The following CSF2RB variants were observed in gnomAD, a reference collection of about 807,000 sequenced individuals.
CSF2RB encodes the protein colony stimulating factor 2 receptor subunit beta, also known as cytokine receptor common subunit beta.
Under a neutral mutation model 67.2 loss-of-function variants are expected in CSF2RB, and 22 were observed. That is an observed-to-expected ratio of 0.33 (90% CI 0.23 to 0.47). CSF2RB has a LOEUF of 0.47. Ranked by LOEUF, CSF2RB falls within the 20% of genes least tolerant of loss-of-function variation. CSF2RB has a pLI of 1.00. For synonymous variants in CSF2RB, 507 were observed against 482.9 expected (o/e 1.05, Z -0.65); for missense variants, 1,113 against 1,174.5 (o/e 0.95, Z 0.76).
chr22:36,934,508 T>G (rs1328570921), intron 10 of CSF2RB, among the ~76,000 whole-genome samples: 1 of 152,188 alleles, frequency 6.6e-6, no homozygotes, highest in African/African-American at 2.4e-5. Flanking sequence ...TTTCTTAGCT[T>G]TTGGGACTAC....
rs1347271493 is a variant in CSF2RB, at chr22:36,937,867, G to A, written c.2059G>A (p.Asp687Asn). ...TCTTGGGCCAAGGGTGGGAGGACAG[G>A]ACCAAAAGGACAGCCCTGTGGCTAT... ...PALGPRVGGQ[D>N]QKDSPVAIPM... Residue 687 changes from aspartate (D) to asparagine (N), a missense_variant, in exon 14 of 14, where the codon GAC becomes AAC. Asp to Asn is a conservative substitution (Grantham distance 23). Around this residue, in one of 2 missense-constraint regions of CSF2RB, gnomAD observed 554 missense variants for 517.9 expected, o/e 1.07. Coordinates refer to ENST00000403662, the MANE Select transcript of CSF2RB (RefSeq NM_000395.3). This position sits in a 1 kb window ranked among gnomAD's most constrained non-coding sequence, Gnocchi z 4.6. 2 of 1,614,006 alleles carry A rather than the reference G, an allele frequency of 1.2e-6. No homozygotes were observed. The highest frequency in any genetic ancestry group is 1.7e-6 in the Non-Finnish European group (2 of 1,179,956).
intron 4 of CSF2RB, among the ~76,000 whole-genome samples, chr22:36,929,165 T>C (rs1297571859): frequency 6.6e-6 from 1 of 152,072 alleles, no homozygotes; most frequent in Non-Finnish European, 1.5e-5. Context: ...TTTTATGGAG[T>C]TCGGGTCACG....
rs141354922 is a variant in CSF2RB at position 36,926,158 on chromosome 22, C to G, written c.372C>G (p.Thr124=). 6.2e-7 allele frequency: 1 copy of G among 1,614,028 alleles called. No homozygotes were observed. Among genetic ancestry groups the G allele is most frequent in the Admixed American group, 1.7e-5 (1 of 60,010 alleles). Residue 124 remains threonine, a synonymous_variant, in exon 4 of 14, where the codon ACC becomes ACG. Transcript: ENST00000403662. ...QPDRPLGTRL[T]VTLTQHVQPP... ...ACAGGCCTCTGGGCACCCGGCTCAC[C>G]GTCACTCTGACCCAGCATGGTGAGG...
chr22:36,923,452 C>G (rs989035002), intron 3 of CSF2RB, 85 bp downstream of exon 3: 2 of 1,554,708 alleles, frequency 1.3e-6, no homozygotes, highest in Non-Finnish European at 8.8e-7. Context: ...AGAGAGGGAC[C>G]TGTCAGGTCA....
chr22:36,921,194 CATGT>C (rs1940857784), intron 1 of CSF2RB, among the ~76,000 whole-genome samples: 1 of 149,836 alleles, frequency 6.7e-6, no homozygotes, highest in African/African-American at 2.5e-5. Flanking sequence ...TGTGTATATA[CATGT>C]ATGTATCTGT....
At chr22:36,934,048 C>G (rs1941218261) in intron 10 of CSF2RB, 54 bp downstream of exon 10, 1 of 1,601,276 alleles carries the variant, frequency 6.2e-7, no homozygotes, top group Non-Finnish European at 8.5e-7. Flanking sequence ...CATAGTTTCT[C>G]ACTGCCAGAA....
In CSF2RB at chr22:36,937,094, G is replaced by A. The variant is rs905059324; in HGVS notation, c.1569-283G>A. Among the ~76,000 whole-genome samples the A allele has an allele frequency of 2.0e-5, 3 of 152,102 alleles. No individual in the cohort carries two copies. In the South Asian group the frequency reaches 6.2e-4, roughly 32 times the overall value. ...ATGAGCCTGGTGCTGAAGGAGGATG[G>A]ACTTTAAGGTCAAAAGGGAGAGGGT... On this transcript the variant is annotated intron_variant, in intron 13 of 13. Transcript: ENST00000403662. The surrounding 1 kb of genome is among the most constrained non-coding windows in gnomAD (Gnocchi z 4.6).
chr22:36,916,754 G>A (rs1003560338), intron 1 of CSF2RB, among the ~76,000 whole-genome samples: 1 of 152,156 alleles, frequency 6.6e-6, no homozygotes, highest in Non-Finnish European at 1.5e-5. Flanking sequence ...AGCTACTTGG[G>A]ATGCTGAAGT....
At chr22:36,923,853 G>A in intron 3 of CSF2RB, 1 of 1,180,402 alleles carries the variant, frequency 8.5e-7, no homozygotes, top group Non-Finnish European at 1.1e-6. Flanking sequence ...GTAGACAGTG[G>A]CAGAGCAAGC....
Position 36,930,740 on chromosome 22 carries a change from A to T in CSF2RB, c.922A>T (p.Ile308Phe). 1.9e-6 allele frequency: 3 copies of T among 1,613,734 alleles called. No homozygotes were observed. Among genetic ancestry groups the T allele is most frequent in the Non-Finnish European group, 2.5e-6 (3 of 1,180,022 alleles). ...GSLHTRHHCQ[I>F]PVPDPATHGQ... ...CCTCCACACCAGGCACCACTGCCAG[A>T]TTCCCGTGCCCGACCCCGCGACCCA... is the stretch of plus-strand genomic sequence containing the variant. Residue 308 changes from isoleucine (I) to phenylalanine (F), a missense_variant, in exon 8 of 14, where the codon ATT becomes TTT. This residue lies in a region of CSF2RB where 559 missense variants were observed against 656.5 expected (regional missense o/e 0.85). Transcript: ENST00000403662.
At chr22:36,918,566 C>G (rs1323975779) in intron 1 of CSF2RB, among the ~76,000 whole-genome samples, 1 of 152,152 alleles carries the variant, frequency 6.6e-6, no homozygotes, top group African/African-American at 2.4e-5. Flanking sequence ...TCGTAGTAGC[C>G]TCCCCCCTTG....
rs761178399 is a variant in CSF2RB, at chr22:36,932,755, C to G, written c.1013-10C>G. 2.8e-5 allele frequency: 45 copies of G among 1,612,832 alleles called. No homozygotes were observed. Among genetic ancestry groups the G allele is most frequent in the Non-Finnish European group, 3.6e-5 (42 of 1,179,714 alleles). On this transcript the variant is annotated splice_polypyrimidine_tract_variant and intron_variant, in intron 8 of 13. Transcript: ENST00000403662. ...TATGATGACTCTCCTGAAAGCTTCC[C>G]TCCCTCCAGTCCAGATGGCCCCTCC...
Position 36,938,508 on chromosome 22 carries a change from C to G in CSF2RB, c.*6C>G. 1 of 1,609,638 alleles carries G rather than the reference C, an allele frequency of 6.2e-7. No individual in the cohort carries two copies. Among genetic ancestry groups the G allele is most frequent in the Non-Finnish European group, 8.5e-7 (1 of 1,177,236 alleles). On this transcript the variant is annotated 3_prime_UTR_variant, in exon 14 of 14. Transcript: ENST00000403662. Reference sequence around the variant, plus strand: ...AGCCTGGGGAGGTGTGTTGAGACCCCCAGGCCTAGACAGGCAAGGGGATGG... The same window carrying G: ...AGCCTGGGGAGGTGTGTTGAGACCCGCAGGCCTAGACAGGCAAGGGGATGG...
Position 36,936,558 on chromosome 22 carries a change from G to A in CSF2RB, c.1474G>A (p.Ala492Thr), listed in dbSNP as rs764112211. The change falls in exon 13 of 14, where the codon GCA (alanine) becomes ACA (threonine). Residue 492 changes from alanine (A) to threonine (T), a missense_variant. Physicochemically the swap from Ala to Thr is moderately conservative, Grantham distance 58. This residue lies in a region of CSF2RB where 559 missense variants were observed against 656.5 expected (regional missense o/e 0.85). Coordinates refer to ENST00000403662, the MANE Select transcript of CSF2RB (RefSeq NM_000395.3). ...SKSHLFQNGS[A>T]ELWPPGSMSA... is the part of the protein sequence containing the mutation. Reference sequence around the variant, plus strand: ...GTCTCTGCTCTTGCAGAACGGGAGCGCAGAGCTTTGGCCCCCAGGCAGCAT... The same window carrying A: ...GTCTCTGCTCTTGCAGAACGGGAGCACAGAGCTTTGGCCCCCAGGCAGCAT... 27 of 1,612,784 alleles carry A rather than the reference G, an allele frequency of 1.7e-5. No individual in the cohort carries two copies. In the Middle Eastern group the frequency reaches 5.9e-4, roughly 35 times the overall value.
Position 36,937,339 on chromosome 22 carries a change from G to A in CSF2RB, c.1569-38G>A. The A allele has an allele frequency of 6.2e-7, 1 of 1,608,708 alleles. No individual in the cohort carries two copies. The highest frequency in any genetic ancestry group is 8.5e-7 in the Non-Finnish European group (1 of 1,179,684). On this transcript the variant is annotated intron_variant, in intron 13 of 13. Coordinates refer to ENST00000403662, the MANE Select transcript of CSF2RB (RefSeq NM_000395.3). The surrounding 1 kb of genome is among the most constrained non-coding windows in gnomAD (Gnocchi z 4.6). The stretch of plus-strand genomic sequence containing the variant: ...GTGCCTGACCCGGATCATCTGCCCA[G>A]GGTGGTCCCAACTCTTCTGCCCATT...
chr22:36,917,959 A>G (rs62229097), intron 1 of CSF2RB, among the ~76,000 whole-genome samples: 22,484 of 152,028 alleles, frequency 0.15, 1,845 homozygotes, highest in East Asian at 0.36. Flanking sequence ...AAGAAACCAT[A>G]TTTGCTACCA....
intron 8 of CSF2RB, among the ~76,000 whole-genome samples, chr22:36,931,552 T>A (rs1477517298): frequency 6.6e-6 from 1 of 152,272 alleles, no homozygotes. Context: ...GCATTCATAT[T>A]ATGTTTATAC....
intron 4 of CSF2RB, among the ~76,000 whole-genome samples, chr22:36,926,812 G>A (rs1165801048): frequency 6.6e-6 from 1 of 152,216 alleles, no homozygotes; most frequent in East Asian, 1.9e-4. Context: ...CGAAGTCCTG[G>A]ATTCAAGGAA....
intron 6 of CSF2RB, 89 bp from the exon 7 acceptor site, chr22:36,930,286 C>G: frequency 6.3e-7 from 1 of 1,586,438 alleles, no homozygotes; most frequent in Non-Finnish European, 8.6e-7. Flanking sequence ...AGCTCATGAC[C>G]TCTGTGTGAT....
Sources: allele counts gnomAD v4.1 joint callset (sites outside exome capture counted in the v4.1 genomes callset), GRCh38; gene constraint gnomAD v4.1.1; regional missense constraint gnomAD v4.1.1; non-coding constraint Gnocchi (gnomAD v3.1); transcripts MANE v1.5; gene names NCBI Gene and HGNC (gene_info 2026-07-23, HGNC 2026-07-21).